FRMPD4: variants seen among roughly 807,000 people sequenced by gnomAD.
FRMPD4 encodes FERM and PDZ domain containing 4.
FRMPD4 carries 22 observed loss-of-function variants against 94.1 expected under a neutral mutation model. That is an observed-to-expected ratio of 0.23 (90% CI 0.17 to 0.33). The LOEUF (loss-of-function observed/expected upper bound fraction) is 0.33. FRMPD4 is among the 10% of genes least tolerant of loss of function. The probability of loss-of-function intolerance (pLI) is 1.00; values close to 1 mark genes in which losing one functional copy is unlikely to be tolerated. For synonymous variants in FRMPD4, 631 were observed against 548.6 expected (o/e 1.15, Z -2.10); for missense variants, 1,111 against 1,339.9 (o/e 0.83, Z 2.67).
chrX:12,269,843 C>G (rs1424958177), intron 1 of FRMPD4, among the ~76,000 whole-genome samples: 1 of 112,157 alleles, frequency 8.9e-6, no homozygotes, highest in Non-Finnish European at 1.9e-5. Context: ...GGTGGAGTCT[C>G]AGATTCTCCA....
chrX:12,319,029 T>TTC (rs1227330954), intron 1 of FRMPD4, among the ~76,000 whole-genome samples: 1 of 111,698 alleles, frequency 9.0e-6, no homozygotes, highest in African/African-American at 3.3e-5. Flanking sequence ...GAGAACACAA[T>TTC]TCTGTTCAGT....
chrX:11,838,636 A>G (rs140690580), intron 1 of FRMPD4, among the ~76,000 whole-genome samples: 114 of 111,056 alleles, frequency 1.0e-3, no homozygotes, highest in Non-Finnish European at 2.0e-3. Context: ...CCCCACCACT[A>G]TGCTCCCCAC....
intron 1 of FRMPD4, among the ~76,000 whole-genome samples, chrX:12,311,509 T>A (rs1395987202): frequency 8.9e-6 from 1 of 112,022 alleles, no homozygotes; most frequent in African/African-American, 3.2e-5. Flanking sequence ...TTCATGCATC[T>A]TAAGAATTTC....
intron 1 of FRMPD4, among the ~76,000 whole-genome samples, chrX:11,843,785 A>G (rs1290925133): frequency 5.5e-5 from 6 of 110,045 alleles, no homozygotes; most frequent in Non-Finnish European, 7.6e-5. Context: ...TGCTGGACTC[A>G]GGTAATTCTT....
At chrX:12,565,415 A>G (rs928829278) in intron 2 of FRMPD4, among the ~76,000 whole-genome samples, 2 of 112,191 alleles carry the variant, frequency 1.8e-5, no homozygotes, top group African/African-American at 6.5e-5. Flanking sequence ...ATCACCAGTG[A>G]TAAGTCATGT....
At chrX:11,855,988 T>C (rs1211916857) in intron 1 of FRMPD4, among the ~76,000 whole-genome samples, 2 of 111,979 alleles carry the variant, frequency 1.8e-5, no homozygotes, top group Middle Eastern at 4.6e-3. Flanking sequence ...GGACAATTTA[T>C]AAAGGAATTA....
chrX:12,425,956 G>T (rs1434500941), intron 1 of FRMPD4, among the ~76,000 whole-genome samples: 4 of 112,028 alleles, frequency 3.6e-5, no homozygotes, highest in Non-Finnish European at 7.5e-5. Flanking sequence ...CTCTCATGAG[G>T]ATTTGATGAT....
At chrX:12,225,194 G>T (rs1265687121) in intron 1 of FRMPD4, among the ~76,000 whole-genome samples, 1 of 112,291 alleles carries the variant, frequency 8.9e-6, no homozygotes, top group Non-Finnish European at 1.9e-5. Context: ...TGTGTGTCAA[G>T]TAAGAATGGT....
At chrX:12,182,934 C>T (rs2056378753) in intron 1 of FRMPD4, among the ~76,000 whole-genome samples, 1 of 111,356 alleles carries the variant, frequency 9.0e-6, no homozygotes, top group Non-Finnish European at 1.9e-5. Flanking sequence ...GTTCATGCAG[C>T]TTATGGAGAA....
At chrX:12,503,284 C>T (rs373502636) in intron 2 of FRMPD4, among the ~76,000 whole-genome samples, 5 of 111,695 alleles carry the variant, frequency 4.5e-5, no homozygotes, top group South Asian at 7.5e-4. Flanking sequence ...ATTTAAGAGG[C>T]TTTTTCTTGT....
At position 11,911,907 on chromosome X, in the gene FRMPD4, G is replaced by A. The variant is rs775596320; in HGVS notation, c.95+33889G>A. ...GATTTGGACAGAGAATGGAAGATGG[G>A]CAGCCAAGATCCATACACTTTCCCT... On this transcript the variant is annotated intron_variant, in intron 3 of 18. Transcript: ENST00000640291. Among the ~76,000 whole-genome samples the A allele has an allele frequency of 3.0e-3, 333 of 112,097 alleles. 1 individual carries two copies. The highest frequency in any genetic ancestry group is 0.01 in the African/African-American group (317 of 30,898).
intron 1 of FRMPD4, among the ~76,000 whole-genome samples, chrX:12,193,473 CAGG>C (rs754973275): frequency 9.2e-6 from 1 of 108,703 alleles, no homozygotes; most frequent in South Asian, 4.0e-4. Context: ...TGTGAAGTGA[CAGG>C]AGGACAGAAG....
intron 1 of FRMPD4, among the ~76,000 whole-genome samples, chrX:11,863,398 C>T (rs1421365606): frequency 2.7e-5 from 3 of 111,182 alleles, no homozygotes; most frequent in Non-Finnish European, 5.7e-5. Context: ...ATATGTGCCA[C>T]ATTTTTTTGA....
intron 3 of FRMPD4, among the ~76,000 whole-genome samples, chrX:11,904,091 G>A (rs1052617403): frequency 8.9e-6 from 1 of 111,783 alleles, no homozygotes; most frequent in African/African-American, 3.3e-5. Context: ...TGACCTGCTT[G>A]TTTGAGTGTA....
intron 3 of FRMPD4, among the ~76,000 whole-genome samples, chrX:12,020,771 C>G (rs1275910794): frequency 2.7e-5 from 3 of 111,783 alleles, no homozygotes; most frequent in Non-Finnish European, 3.8e-5. Flanking sequence ...TTAATCAACC[C>G]CCTTTGAGTA....
chrX:11,990,059 A>G (rs753925693), intron 3 of FRMPD4, among the ~76,000 whole-genome samples: 43 of 112,331 alleles, frequency 3.8e-4, no homozygotes, highest in Non-Finnish European at 7.9e-4. Context: ...AACTGCCAAA[A>G]TGTCCATCAA....
intron 1 of FRMPD4, among the ~76,000 whole-genome samples, chrX:12,276,242 T>G (rs1032722989): frequency 1.8e-5 from 2 of 112,380 alleles, no homozygotes; most frequent in African/African-American, 6.5e-5. Flanking sequence ...TAAAATATTT[T>G]GAAGAGATTT....
At chrX:12,016,532 A>G (rs1219823425) in intron 3 of FRMPD4, among the ~76,000 whole-genome samples, 1 of 112,026 alleles carries the variant, frequency 8.9e-6, no homozygotes, top group Non-Finnish European at 1.9e-5. Context: ...CATCTATGTT[A>G]TAGAATATTT....
intron 1 of FRMPD4, among the ~76,000 whole-genome samples, chrX:12,266,132 C>CAAAAAAAAAAAAAAAAAA (rs3990340): frequency 3.9e-5 from 1 of 25,769 alleles, no homozygotes; most frequent in Non-Finnish European, 7.4e-5. Flanking sequence ...GACTCCGTCT[C>CAAAAAAAAAAAAAAAAAA]AAAAAAAAAA....
Sources: allele counts gnomAD v4.1 joint callset (sites outside exome capture counted in the v4.1 genomes callset), GRCh38; gene constraint gnomAD v4.1.1; transcripts MANE v1.5; gene names NCBI Gene and HGNC (gene_info 2026-07-23, HGNC 2026-07-21).